Variants in PDE6A observed in about 807,000 individuals in gnomAD.
PDE6A encodes the protein phosphodiesterase 6A.
PDE6A carries 84 observed loss-of-function variants against 106.3 expected under a neutral mutation model. That is an observed-to-expected ratio of 0.79 (90% CI 0.66 to 0.95). The LOEUF is 0.95. PDE6A is among the 40% of genes least tolerant of loss of function. The pLI is 0.00. For missense variants in PDE6A, 1,052 were observed against 1,084.9 expected, an observed-to-expected ratio of 0.97 and a Z score of 0.43; for synonymous variants, 394 against 386.6, an observed-to-expected ratio of 1.02 and a Z score of -0.23.
chr5:149,895,201 G>A lies in PDE6A; in HGVS notation c.1710C>T (p.Thr570=). The A allele has an allele frequency of 6.2e-7, 1 of 1,613,378 alleles. No homozygotes were observed. The highest frequency in any genetic ancestry group is 8.5e-7 in the Non-Finnish European group (1 of 1,179,312). The change falls in exon 13 of 22, where the codon ACC becomes ACT. Residue 570 remains threonine (T), a synonymous_variant. Transcript: ENST00000255266. ...NWRHGFNVGQ[T]MFSLLVTGKL... is the part of the protein sequence containing the mutation. ...GCCATACCACCAGCAGGGAGAACAT[G>A]GTCTGCCCCACGTTGAAGCCGTGCC...
intron 19 of PDE6A, 152 bp downstream of exon 19, chr5:149,867,573 G>T: frequency 1.4e-6 from 1 of 728,174 alleles, no homozygotes; most frequent in South Asian, 1.5e-5. Flanking sequence ...GAGGTTGACA[G>T]TGGCCTGGAG....
intron 7 of PDE6A, among the ~76,000 whole-genome samples, chr5:149,904,743 C>T (rs1426879764): frequency 6.6e-6 from 1 of 152,106 alleles, no homozygotes; most frequent in Non-Finnish European, 1.5e-5. Flanking sequence ...GCCTTCTGAC[C>T]TCTCCTTTGA....
intron 8 of PDE6A, among the ~76,000 whole-genome samples, chr5:149,903,410 G>C (rs1753060418): frequency 6.6e-6 from 1 of 151,044 alleles, no homozygotes; most frequent in Non-Finnish European, 1.5e-5. Context: ...CTTGTGGGGG[G>C]AAAAATAGAT....
chr5:149,891,743 C>T (rs1752553953), intron 13 of PDE6A, among the ~76,000 whole-genome samples: 1 of 151,358 alleles, frequency 6.6e-6, no homozygotes, highest in African/African-American at 2.4e-5. Context: ...GTCAAGGCTA[C>T]AGTGAGCCAT....
chr5:149,865,292 C>T (rs1181288418), intron 20 of PDE6A, among the ~76,000 whole-genome samples: 1 of 150,238 alleles, frequency 6.7e-6, no homozygotes, highest in Non-Finnish European at 1.5e-5. Context: ...CACCTGTGGT[C>T]CCAGCTACTC....
At chr5:149,930,990 T>A (rs749967958) in intron 4 of PDE6A, 38 bp downstream of exon 4, 1 of 1,608,590 alleles carries the variant, frequency 6.2e-7, no homozygotes, top group Non-Finnish European at 8.5e-7. Context: ...GTCTGTTTAA[T>A]CTTTTCTTGG....
chr5:149,907,177 A>G lies in PDE6A; in HGVS notation c.1065+135T>C. On this transcript the variant is annotated intron_variant, in intron 7 of 21. Coordinates refer to ENST00000255266, the MANE Select transcript of PDE6A (RefSeq NM_000440.3). Reference sequence around the variant, plus strand: ...TTTAGACCAGTTGCCAACTGAATTGAGAGAAACAAGAGAATTAGGCTTTTA... The same window carrying G: ...TTTAGACCAGTTGCCAACTGAATTGGGAGAAACAAGAGAATTAGGCTTTTA... The G allele has an allele frequency of 5.1e-6, 4 of 782,498 alleles. No individual in the cohort carries two copies. In the South Asian group the frequency reaches 5.5e-5, roughly 11 times the overall value. 48.5% of individuals were successfully genotyped at this position (782,498 alleles called of 1,614,324 possible).
Position 149,931,183 on chromosome 5 carries a change from A to G in PDE6A, c.718-15T>C. 1 of 1,614,026 alleles carries G rather than the reference A, an allele frequency of 6.2e-7. No individual in the cohort carries two copies. The highest frequency in any genetic ancestry group is 8.5e-7 in the Non-Finnish European group (1 of 1,179,886). On this transcript the variant is annotated splice_polypyrimidine_tract_variant and intron_variant, in intron 3 of 21. Coordinates refer to ENST00000255266, the MANE Select transcript of PDE6A (RefSeq NM_000440.3). The stretch of plus-strand genomic sequence containing the variant: ...CACAGCAGTATCTGAAAAAACACAA[A>G]AACATATTCATAGGTTTTGAGGTGC...
chr5:149,897,705 C>T (rs1463077600), intron 10 of PDE6A, among the ~76,000 whole-genome samples: 1 of 152,056 alleles, frequency 6.6e-6, no homozygotes, highest in African/African-American at 2.4e-5. Flanking sequence ...CTCAGCCTCC[C>T]GAGTAGCTGG....
At chr5:149,906,921 G>A (rs1753213385) in intron 7 of PDE6A, among the ~76,000 whole-genome samples, 1 of 152,058 alleles carries the variant, frequency 6.6e-6, no homozygotes, top group Non-Finnish European at 1.5e-5. Context: ...ACAGGCGCCT[G>A]CCACCATGCC....
intron 6 of PDE6A, among the ~76,000 whole-genome samples, chr5:149,910,167 A>G (rs1297331100): frequency 6.6e-6 from 1 of 151,248 alleles, no homozygotes; most frequent in African/African-American, 2.4e-5. Flanking sequence ...GTGACTCTTT[A>G]TCTCTACTAA....
At chr5:149,924,634 C>CCAAT (rs1248227693) in intron 4 of PDE6A, among the ~76,000 whole-genome samples, 36 of 152,230 alleles carry the variant, frequency 2.4e-4, no homozygotes, top group African/African-American at 7.5e-4. Flanking sequence ...TTGTTTCAGA[C>CCAAT]CAATCCTCCA....
At chr5:149,868,247 C>G in intron 17 of PDE6A, 89 bp from the exon 18 acceptor site, 1 of 1,282,624 alleles carries the variant, frequency 7.8e-7, no homozygotes, top group Non-Finnish European at 1.1e-6. Context: ...TTCTCCACCC[C>G]CACTAGTAGG....
chr5:149,867,953 TA>T, intron 18 of PDE6A, 141 bp downstream of exon 18: 1 of 1,104,630 alleles, frequency 9.1e-7, no homozygotes, highest in Non-Finnish European at 1.4e-6. Flanking sequence ...TGGAGAGACG[TA>T]AAATGATTCC....
At position 149,932,670 on chromosome 5, in the gene PDE6A, C is replaced by T. The variant is rs144988404; in HGVS notation, c.717+1260G>A. The T allele has an allele frequency of 1.5e-3, 2,460 of 1,612,538 alleles. 32 individuals carry two copies. In the African/African-American group the frequency reaches 0.028, roughly 18 times the overall value. ...CGAATTCGACTAATTTCTGCCATCTCAGCAGCAGTGGGAGAAGGAAATGCT... is the reference window on the plus strand; with the variant it reads ...CGAATTCGACTAATTTCTGCCATCTTAGCAGCAGTGGGAGAAGGAAATGCT... On this transcript the variant is annotated intron_variant, in intron 3 of 21. Coordinates refer to ENST00000255266, the MANE Select transcript of PDE6A (RefSeq NM_000440.3).
At chr5:149,891,827 T>G (rs1008312802) in intron 13 of PDE6A, among the ~76,000 whole-genome samples, 3 of 151,962 alleles carry the variant, frequency 2.0e-5, no homozygotes, top group Non-Finnish European at 2.9e-5. Flanking sequence ...AAAAAAAGTT[T>G]GGTTTGTCAA....
intron 5 of PDE6A, among the ~76,000 whole-genome samples, chr5:149,921,364 A>G (rs1269991659): frequency 6.6e-6 from 1 of 152,064 alleles, no homozygotes; most frequent in Non-Finnish European, 1.5e-5. Context: ...GGAAGGAAGG[A>G]AGACCACTTT....
At position 149,872,912 on chromosome 5, in the gene PDE6A, C is replaced by G. The variant is rs573362676; in HGVS notation, c.2136-4754G>C. ...CAGTAAATGTTTGACGTTTTACAGC[C>G]TACATAGTCCCTACTGCAAAGACTG... is the stretch of plus-strand genomic sequence containing the variant. On this transcript the variant is annotated intron_variant, in intron 17 of 21. Coordinates refer to ENST00000255266, the MANE Select transcript of PDE6A (RefSeq NM_000440.3). Among the ~76,000 whole-genome samples the G allele has an allele frequency of 4.6e-5, 7 of 152,294 alleles. No homozygotes were observed. The East Asian group carries it at 7.7e-4, about 17-fold the overall frequency.
intron 4 of PDE6A, among the ~76,000 whole-genome samples, chr5:149,930,188 C>T (rs989444438): frequency 6.6e-6 from 1 of 152,214 alleles, no homozygotes; most frequent in Non-Finnish European, 1.5e-5. Flanking sequence ...TTAATCAGCT[C>T]TTCAGAATAT....
Sources: gnomAD v4.1 joint callset for allele counts (sites outside exome capture counted in the v4.1 genomes callset) on GRCh38, gnomAD v4.1.1 for gene constraint, MANE v1.5 for transcripts, NCBI Gene and HGNC (gene_info 2026-07-23, HGNC 2026-07-21) for gene names.